PSG4: variants seen among roughly 807,000 people sequenced by gnomAD.
PSG4 encodes pregnancy-specific beta-1-glycoprotein 4.
A neutral mutation model predicts 44.3 loss-of-function variants in PSG4; 61 were observed. The ratio of observed to expected loss-of-function variants is 1.38; its 90% CI spans 1.12 to 1.70. The LOEUF (loss-of-function observed/expected upper bound fraction) is 1.70. Among genes scored for constraint, PSG4 ranks in the 40% most tolerant of loss-of-function variants. PSG4 has a pLI of 0.00. For synonymous variants in PSG4, 248 were observed against 191.3 expected, an observed-to-expected ratio of 1.30 and a Z score of -2.45; for missense variants, 677 against 511.7, an observed-to-expected ratio of 1.32 and a Z score of -3.12.
rs141102959 is a variant in PSG4, at chr19:43,195,164, C to T, written c.819G>A (p.Trp273Ter). 1.2e-6 allele frequency: 2 copies of T among 1,610,256 alleles called. No homozygotes were observed. The highest frequency in any genetic ancestry group is 4.5e-5 in the East Asian group (2 of 44,876). ...EPKSKNYTYI[W>*]WLNGQSLPVS... Reference sequence around the variant, plus strand: ...CAGGGAGGCTCTGACCATTTAGCCACCAAATGTAGGTGTAGTTCTTACTCT... The same window carrying T: ...CAGGGAGGCTCTGACCATTTAGCCATCAAATGTAGGTGTAGTTCTTACTCT... Residue 273 changes from tryptophan to a stop codon, truncating the protein, a stop_gained, in exon 4 of 6, where the codon TGG (tryptophan) becomes TGA (stop). Coordinates refer to ENST00000405312, the MANE Select transcript of PSG4 (RefSeq NM_002780.5). LOFTEE classifies it high-confidence loss of function.
At chr19:43,201,226 T>C (rs1361225703) in intron 2 of PSG4, among the ~76,000 whole-genome samples, 1 of 145,562 alleles carries the variant, frequency 6.9e-6, no homozygotes, top group Non-Finnish European at 1.5e-5. Context: ...ATTTAGTTTA[T>C]GGTTTGACTT....
rs1451944374 is a variant in PSG4 at position 43,204,700 on chromosome 19, C to T, written c.65-449G>A. On this transcript the variant is annotated intron_variant, in intron 1 of 5. Transcript: ENST00000405312. ...TCACTTAGCATGTCTGTCTTCCCCCCACGATGACTGTGTGAGCTCCGTGAG... is the reference window on the plus strand; with the variant it reads ...TCACTTAGCATGTCTGTCTTCCCCCTACGATGACTGTGTGAGCTCCGTGAG... 5.6e-5 allele frequency: 11 copies of T among 195,046 alleles called. 2 individuals are homozygous for T. Among genetic ancestry groups the T allele is most frequent in the African/African-American group, 1.4e-4 (3 of 21,306 alleles). The allele number at this position is 195,046 out of a possible 1,614,324, so 12.1% of individuals were successfully genotyped here. A position where few individuals can be genotyped will look rare whatever the true frequency, so the allele number is the denominator to read the frequency against.
chr19:43,193,260 A>G lies in PSG4; in HGVS notation c.*112T>C, dbSNP rs1315825708. 6 of 767,590 alleles carry G rather than the reference A, an allele frequency of 7.8e-6. No homozygotes were observed. In the East Asian group the frequency reaches 9.7e-5, roughly 12 times the overall value. The allele number at this position is 767,590 out of a possible 1,614,324, so 47.5% of individuals were successfully genotyped here. A position where few individuals can be genotyped will look rare whatever the true frequency, so the allele number is the denominator to read the frequency against. On this transcript the variant is annotated 3_prime_UTR_variant, in exon 6 of 6. Transcript: ENST00000405312. ...ACATGTCAGGTACAAGGGTTTTCCC[A>G]TGAAATTTACATCGAGTTGTCCACC...
intron 5 of PSG4, chr19:43,193,865 T>C: frequency 1.6e-6 from 1 of 639,762 alleles, no homozygotes; most frequent in Non-Finnish European, 2.8e-6. Context: ...AATATGTGTA[T>C]TACCATAAAC....
rs368484256 is a variant in PSG4 at position 43,194,456 on chromosome 19, C to T, written c.1127G>A (p.Gly376Glu). ...WTINGKFQLS[G>E]QKLSIPQITT... ...TATTTGGGGGATAGAGAGCTTTTGTCCTGATAGCTGAAACTTCCCATTAAT... is the reference window on the plus strand; with the variant it reads ...TATTTGGGGGATAGAGAGCTTTTGTTCTGATAGCTGAAACTTCCCATTAAT... Residue 376 changes from glycine to glutamate, a missense_variant, in exon 5 of 6, where the codon GGA becomes GAA. Transcript: ENST00000405312. 7 of 1,612,418 alleles carry T rather than the reference C, an allele frequency of 4.3e-6. No individual in the cohort carries two copies. Among genetic ancestry groups the T allele is most frequent in the East Asian group, 2.2e-5 (1 of 44,860 alleles).
At chr19:43,194,243 C>T (rs182029207) in intron 5 of PSG4, 97 bp downstream of exon 5, 1 of 1,600,480 alleles carries the variant, frequency 6.2e-7, no homozygotes, top group East Asian at 2.2e-5. Flanking sequence ...GCCCATGGGA[C>T]ACAGGCTGGG....
rs563372305 is a variant in PSG4, at chr19:43,205,462, T to C, written c.64+11A>G. On this transcript the variant is annotated intron_variant, in intron 1 of 5. Coordinates refer to ENST00000405312, the MANE Select transcript of PSG4 (RefSeq NM_002780.5). Reference sequence around the variant, plus strand: ...CTCCTCCTGTCCTCTCCCAGGAAGTTCTCTCCTCACCTGTGAGCAGGACCC... The same window carrying C: ...CTCCTCCTGTCCTCTCCCAGGAAGTCCTCTCCTCACCTGTGAGCAGGACCC... 78 of 1,533,712 alleles carry C rather than the reference T, an allele frequency of 5.1e-5. 6 individuals are homozygous for C. In the Admixed American group the frequency reaches 6.4e-4, roughly 13 times the overall value.
chr19:43,205,511 C>T lies in PSG4; in HGVS notation c.26G>A (p.Cys9Tyr), dbSNP rs1967747074. MGPLSAPP[C>Y]TQRITWKGVL... ...CCCCTTCCAGGTGATGCGCTGTGTG[C>T]AGGGAGGGGCTGAGAGGGGCCCCAT... is the stretch of plus-strand genomic sequence containing the variant. The change falls in exon 1 of 6, where the codon TGC becomes TAC. Residue 9 changes from cysteine to tyrosine, a missense_variant. Cys to Tyr is a radical substitution (Grantham distance 194). Transcript: ENST00000405312. 6.4e-7 allele frequency: 1 copy of T among 1,555,172 alleles called. No individual in the cohort carries two copies. The highest frequency in any genetic ancestry group is 8.7e-7 in the Non-Finnish European group (1 of 1,149,806).
At chr19:43,205,249 A>T (rs1967728227) in intron 1 of PSG4, among the ~76,000 whole-genome samples, 1 of 142,410 alleles carries the variant, frequency 7.0e-6, no homozygotes, top group Non-Finnish European at 1.5e-5. Context: ...CTATGATTAC[A>T]GGAGCACACC....
chr19:43,197,857 G>A (rs1967319161), intron 3 of PSG4, 140 bp downstream of exon 3: 2 of 1,530,530 alleles, frequency 1.3e-6, no homozygotes, highest in Non-Finnish European at 1.8e-6. Context: ...GGTTTGCCTG[G>A]GGCAGAAAGT....
At chr19:43,194,768 C>G in intron 4 of PSG4, 174 bp from the exon 5 acceptor site, 1 of 1,418,626 alleles carries the variant, frequency 7.0e-7, no homozygotes, top group Non-Finnish European at 9.4e-7. Flanking sequence ...TCTCCCATCA[C>G]AAGTTTTAGG....
At chr19:43,193,636 G>C (rs961198517) in intron 5 of PSG4, 3 of 570,140 alleles carry the variant, frequency 5.3e-6, no homozygotes, top group South Asian at 4.6e-5. Context: ...AATTTTATTT[G>C]CTCTAAGTTT....
intron 5 of PSG4, chr19:43,193,593 G>A (rs1393930514): frequency 3.3e-6 from 2 of 605,982 alleles, no homozygotes; most frequent in Non-Finnish European, 5.8e-6. Flanking sequence ...AGTGCAGCAA[G>A]AGTAGCAATA....
chr19:43,194,949 G>T (rs1470061712), intron 4 of PSG4, 46 bp downstream of exon 4: 1 of 1,600,828 alleles, frequency 6.2e-7, no homozygotes, highest in South Asian at 1.1e-5. Flanking sequence ...TGGTGGTTTG[G>T]ATTTAAGCTG....
In PSG4 at chr19:43,195,116, G is replaced by A. The variant is rs1157779974; in HGVS notation, c.867C>T (p.Pro289=). ...SLPVSPRVKR[P]IENRILILPN... is the part of the protein sequence containing the mutation. The stretch of plus-strand genomic sequence containing the variant: ...GTAGAATGAGGATCCTGTTTTCAAT[G>A]GGTCGCTTTACCCTGGGACTGACAG... Residue 289 remains proline, a synonymous_variant, in exon 4 of 6, where the codon CCC becomes CCT. Coordinates refer to ENST00000405312, the MANE Select transcript of PSG4 (RefSeq NM_002780.5). 1.2e-6 allele frequency: 2 copies of A among 1,610,682 alleles called. No individual in the cohort carries two copies. Among genetic ancestry groups the A allele is most frequent in the Non-Finnish European group, 1.7e-6 (2 of 1,179,056 alleles).
chr19:43,194,801 G>C, intron 4 of PSG4, 194 bp downstream of exon 4: 3 of 1,422,610 alleles, frequency 2.1e-6, no homozygotes, highest in Non-Finnish European at 2.8e-6. Flanking sequence ...CATGACAAGA[G>C]CGTCCCCTCC....
Position 43,199,664 on chromosome 19 carries a change from TC to T in PSG4, c.431-1390del, listed in dbSNP as rs776697225. Among the ~76,000 whole-genome samples, 8 of 145,114 alleles carry T rather than the reference TC, an allele frequency of 5.5e-5. 1 individual carries two copies. The highest frequency in any genetic ancestry group is 6.9e-5 in the Admixed American group (1 of 14,588). ...TGCTCAATTTGTAATACTGTAATTTTCCCGTAAAAAGTTGTCAGGAATTTAG... is the reference window on the plus strand; with the variant it reads ...TGCTCAATTTGTAATACTGTAATTTTCCGTAAAAAGTTGTCAGGAATTTAG... On this transcript the variant is annotated intron_variant, in intron 2 of 5. Transcript: ENST00000405312.
intron 2 of PSG4, 130 bp from the exon 3 acceptor site, chr19:43,198,405 T>G: frequency 2.1e-6 from 3 of 1,420,156 alleles, no homozygotes; most frequent in Non-Finnish European, 2.8e-6. Context: ...GGAAGATGTG[T>G]GTGTTAAAGA....
chr19:43,203,621 T>G lies in PSG4; in HGVS notation c.430+265A>C, dbSNP rs557455272. The G allele has an allele frequency of 1.3e-4, 71 of 540,034 alleles. 2 individuals are homozygous for G. Among genetic ancestry groups the G allele is most frequent in the Middle Eastern group, 5.3e-4 (1 of 1,884 alleles). The allele number at this position is 540,034 out of a possible 1,614,324, so 33.5% of individuals were successfully genotyped here. ...TTATGAAGAGGGCATGAGGTGCTTG[T>G]CTGAGACTGATCTCCTCCTGCTGAG... On this transcript the variant is annotated intron_variant, in intron 2 of 5. Transcript: ENST00000405312.
Sources: gnomAD v4.1 joint callset for allele counts (sites outside exome capture counted in the v4.1 genomes callset) on GRCh38, gnomAD v4.1.1 for gene constraint, MANE v1.5 for transcripts, NCBI Gene and HGNC (gene_info 2026-07-23, HGNC 2026-07-21) for gene names.